The following CNTNAP2 variants were observed in gnomAD, a reference collection of about 807,000 sequenced individuals.
The protein encoded by CNTNAP2 is contactin associated protein 2.
A neutral mutation model predicts 155.2 loss-of-function variants in CNTNAP2; 98 were observed. That is an observed-to-expected ratio of 0.63 (90% confidence interval 0.54 to 0.75). CNTNAP2 has a LOEUF of 0.75. CNTNAP2 is among the 30% of genes least tolerant of loss of function. CNTNAP2 has a pLI of 0.00. For missense variants in CNTNAP2, 1,727 were observed against 1,688.1 expected, an observed-to-expected ratio of 1.02 and a Z score of -0.40; for synonymous variants, 651 against 631.2, an observed-to-expected ratio of 1.03 and a Z score of -0.47.
At chr7:146,603,477 C>T (rs924657206) in intron 1 of CNTNAP2, among the ~76,000 whole-genome samples, 4 of 149,852 alleles carry the variant, frequency 2.7e-5, no homozygotes, top group East Asian at 2.0e-4. Context: ...GAATCAATAT[C>T]GTGAAAATGG....
chr7:146,283,551 A>G (rs1229925485), intron 1 of CNTNAP2, among the ~76,000 whole-genome samples: 6 of 152,158 alleles, frequency 3.9e-5, no homozygotes, highest in Admixed American at 3.9e-4. Flanking sequence ...ATCATTTTAA[A>G]GAAATTAAGA....
chr7:148,355,166 C>CTGTTTTTTTTT (rs1798490032), intron 21 of CNTNAP2, among the ~76,000 whole-genome samples: 2 of 41,022 alleles, frequency 4.9e-5, no homozygotes, highest in Non-Finnish European at 4.1e-5. Context: ...CCGCCAGCTG[C>CTGTTTTTTTTT]TTTTTTTTTT....
chr7:147,196,314 A>G (rs1225323742), intron 8 of CNTNAP2, among the ~76,000 whole-genome samples: 2 of 152,234 alleles, frequency 1.3e-5, no homozygotes, highest in African/African-American at 2.4e-5. Context: ...CAGAATGACA[A>G]CTATATGCTG....
intron 3 of CNTNAP2, among the ~76,000 whole-genome samples, chr7:146,959,328 C>G (rs113183001): frequency 0.042 from 6,374 of 152,104 alleles, 157 homozygotes; most frequent in South Asian, 0.082. Context: ...TAACCTGTAG[C>G]GAGAAAAGAT....
intron 15 of CNTNAP2, among the ~76,000 whole-genome samples, chr7:148,003,155 C>A (rs1248973376): frequency 2.0e-5 from 3 of 152,124 alleles, no homozygotes; most frequent in African/African-American, 7.2e-5. Context: ...GCATCAACCT[C>A]TATGTGTCCT....
intron 1 of CNTNAP2, among the ~76,000 whole-genome samples, chr7:146,676,430 G>A (rs1800398624): frequency 7.3e-6 from 1 of 137,660 alleles, no homozygotes; most frequent in African/African-American, 2.5e-5. Flanking sequence ...ATTTGTGGCA[G>A]CTACAAGTGT....
At chr7:147,185,082 T>A (rs1331978347) in intron 8 of CNTNAP2, among the ~76,000 whole-genome samples, 1 of 152,188 alleles carries the variant, frequency 6.6e-6, no homozygotes, top group Admixed American at 6.6e-5. Flanking sequence ...ATGTGGGGAA[T>A]GTTATCAGCT....
chr7:146,127,597 T>C (rs564116270), intron 1 of CNTNAP2, among the ~76,000 whole-genome samples: 3 of 152,344 alleles, frequency 2.0e-5, no homozygotes, highest in Non-Finnish European at 2.9e-5. Flanking sequence ...TACCGGATTT[T>C]ATTTTAAAAG....
chr7:146,281,172 G>A (rs1183071210), intron 1 of CNTNAP2, among the ~76,000 whole-genome samples: 2 of 152,084 alleles, frequency 1.3e-5, no homozygotes, highest in Non-Finnish European at 2.9e-5. Flanking sequence ...GTTAGTTCAA[G>A]TTTGATTTTT....
At position 148,229,779 on chromosome 7, in the gene CNTNAP2, G is replaced by C; in HGVS notation, c.3381G>C (p.Lys1127Asn). The change falls in exon 20 of 24, where the codon AAG (lysine) becomes AAC (asparagine). Residue 1127 changes from lysine to asparagine, a missense_variant and splice_region_variant. Lys to Asn is a moderately conservative substitution (Grantham distance 94). Transcript: ENST00000361727. ...GCCACGAGAAGACCATCTTTCTCAA[G>C]GTATACATACATGTACATATAAATT... is the stretch of plus-strand genomic sequence containing the variant. The part of the protein sequence containing the change: ...ITRHEKTIFL[K>N]LDHYPSVSYH... The C allele has an allele frequency of 1.2e-6, 2 of 1,613,920 alleles. No individual in the cohort carries two copies. Among genetic ancestry groups the C allele is most frequent in the Non-Finnish European group, 1.7e-6 (2 of 1,179,974 alleles).
At chr7:147,400,846 T>C (rs181564775) in intron 10 of CNTNAP2, among the ~76,000 whole-genome samples, 2 of 152,280 alleles carry the variant, frequency 1.3e-5, no homozygotes, top group African/African-American at 4.8e-5. Flanking sequence ...ATGTGAAAAA[T>C]ATCAACTATC....
chr7:147,036,706 A>T (rs1046053709), intron 3 of CNTNAP2, among the ~76,000 whole-genome samples: 1 of 152,176 alleles, frequency 6.6e-6, no homozygotes, highest in African/African-American at 2.4e-5. Flanking sequence ...TCTGCAAAGC[A>T]CTTGTATACT....
intron 1 of CNTNAP2, among the ~76,000 whole-genome samples, chr7:146,538,359 T>C (rs1166100339): frequency 6.6e-6 from 1 of 152,110 alleles, no homozygotes; most frequent in Non-Finnish European, 1.5e-5. Flanking sequence ...TCTGCTCACC[T>C]GAAGGTCAGC....
intron 15 of CNTNAP2, among the ~76,000 whole-genome samples, chr7:148,032,224 T>C (rs1303798123): frequency 5.9e-5 from 9 of 152,180 alleles, no homozygotes; most frequent in African/African-American, 2.2e-4. Flanking sequence ...TGGGGAGACA[T>C]TGACAGTCCA....
intron 11 of CNTNAP2, among the ~76,000 whole-genome samples, chr7:147,543,307 T>C (rs2116748789): frequency 6.6e-6 from 1 of 152,302 alleles, no homozygotes; most frequent in South Asian, 2.1e-4. Flanking sequence ...CTTTAAGCGG[T>C]TTTCTGCCCT....
rs1235028671 is a variant in CNTNAP2 at position 147,029,029 on chromosome 7, T to C, written c.403-14878T>C. 1.2e-4 allele frequency among the ~76,000 whole-genome samples: 17 copies of C among 145,700 alleles called. No homozygotes were observed. In the East Asian group the frequency reaches 2.9e-3, roughly 25 times the overall value. On this transcript the variant is annotated intron_variant, in intron 3 of 23. Transcript: ENST00000361727. The stretch of plus-strand genomic sequence containing the variant: ...CCCAGGCTGGAGGGCAGTGGTGCGA[T>C]CTCGGCTCACTGCAAGCTCCGCCTC...
rs188688572 is a variant in CNTNAP2, at chr7:147,212,859, A to G, written c.1348+80350A>G. Reference sequence around the variant, plus strand: ...TTAAATAGAAAAATGAAATGTGAACACTAAGAGTTAACTTACACTAAAATA... The same window carrying G: ...TTAAATAGAAAAATGAAATGTGAACGCTAAGAGTTAACTTACACTAAAATA... On this transcript the variant is annotated intron_variant, in intron 8 of 23. Transcript: ENST00000361727. 3.0e-3 allele frequency among the ~76,000 whole-genome samples: 464 copies of G among 152,320 alleles called. 2 individuals carry two copies. Among genetic ancestry groups the G allele is most frequent in the African/African-American group, 0.01 (431 of 41,572 alleles).
At position 146,148,082 on chromosome 7, in the gene CNTNAP2, T is replaced by G. The variant is rs187430292; in HGVS notation, c.97+31109T>G. Among the ~76,000 whole-genome samples, 284 of 152,188 alleles carry G rather than the reference T, an allele frequency of 1.9e-3. 1 individual carries two copies. The highest frequency in any genetic ancestry group is 3.4e-3 in the Non-Finnish European group (232 of 67,990). On this transcript the variant is annotated intron_variant, in intron 1 of 23. Transcript: ENST00000361727. ...TAGTTATATTTTAAAGATACCAAAT[T>G]TGTTTAGTGCAGATTTTACTTCTAT...
chr7:148,316,803 T>A (rs1420371494), intron 21 of CNTNAP2, among the ~76,000 whole-genome samples: 1 of 152,186 alleles, frequency 6.6e-6, no homozygotes, highest in Non-Finnish European at 1.5e-5. Flanking sequence ...CCCAAATAGC[T>A]CTCTCTGGAG....
Sources: gnomAD v4.1 joint callset for allele counts (sites outside exome capture counted in the v4.1 genomes callset) on GRCh38, gnomAD v4.1.1 for gene constraint, MANE v1.5 for transcripts, NCBI Gene and HGNC (gene_info 2026-07-23, HGNC 2026-07-21) for gene names.